Variants in PCDHA12 observed in about 807,000 individuals in gnomAD.
The protein encoded by PCDHA12 is protocadherin alpha-12.
A neutral mutation model predicts 60.0 loss-of-function variants in PCDHA12; 44 were observed. The observed-to-expected ratio is 0.73, with a 90% CI of 0.58 to 0.94. The LOEUF (loss-of-function observed/expected upper bound fraction) is 0.94, where lower values mean the gene tolerates loss of function less well. Ranked by LOEUF, PCDHA12 falls within the 40% of genes least tolerant of loss-of-function variation. The pLI is 0.00. For missense variants in PCDHA12, 1,276 were observed against 1,239.7 expected, an observed-to-expected ratio of 1.03 and a Z score of -0.44; for synonymous variants, 569 against 553.0, an observed-to-expected ratio of 1.03 and a Z score of -0.40.
At chr5:140,885,189 C>T (rs1554182051) in intron 1 of PCDHA12, among the ~76,000 whole-genome samples, 1 of 151,992 alleles carries the variant, frequency 6.6e-6, no homozygotes, top group Non-Finnish European at 1.5e-5. Context: ...CATCAGTGTT[C>T]CCCTCTCATA....
chr5:140,908,442 T>A (rs2073975632), intron 1 of PCDHA12, among the ~76,000 whole-genome samples: 1 of 152,160 alleles, frequency 6.6e-6, no homozygotes, highest in Non-Finnish European at 1.5e-5. Flanking sequence ...CACCCCACTT[T>A]ATGGCTAGAT....
chr5:140,981,755 A>G (rs868964961), intron 2 of PCDHA12, among the ~76,000 whole-genome samples: 12 of 152,222 alleles, frequency 7.9e-5, no homozygotes, highest in Admixed American at 3.3e-4. Context: ...TTAGTATTAG[A>G]CATACATAAA....
At chr5:140,920,889 T>G (rs1488579126) in intron 1 of PCDHA12, among the ~76,000 whole-genome samples, 2 of 150,044 alleles carry the variant, frequency 1.3e-5, no homozygotes, top group African/African-American at 4.9e-5. Context: ...GAACTTAAAG[T>G]CATATTTTGG....
At chr5:140,883,756 G>A (rs1404911116) in intron 1 of PCDHA12, 7 of 1,612,950 alleles carry the variant, frequency 4.3e-6, no homozygotes, top group Non-Finnish European at 5.1e-6. Flanking sequence ...CGCTGGTGGA[G>A]CGGCGGGTGG....
intron 1 of PCDHA12, among the ~76,000 whole-genome samples, chr5:140,895,873 G>A (rs112324080): frequency 0.13 from 19,058 of 152,088 alleles, 1,272 homozygotes; most frequent in Middle Eastern, 0.19. Context: ...GTGCAATGGC[G>A]CGATCTCGGC....
chr5:140,877,137 G>A lies in PCDHA12; in HGVS notation c.1665G>A (p.Val555=). The part of the protein sequence containing the change: ...LGSNVTLQVF[V]LDENDNAPAL... ...GCAACGTGACGCTGCAGGTGTTCGTGCTGGACGAGAACGACAACGCGCCGG... is the reference window on the plus strand; with the variant it reads ...GCAACGTGACGCTGCAGGTGTTCGTACTGGACGAGAACGACAACGCGCCGG... Residue 555 remains valine, a synonymous_variant, in exon 1 of 4, where the codon GTG becomes GTA. Coordinates refer to ENST00000398631, the MANE Select transcript of PCDHA12 (RefSeq NM_018903.4). The A allele has an allele frequency of 6.2e-7, 1 of 1,613,796 alleles. No homozygotes were observed.
At chr5:140,892,552 T>A (rs1041756319) in intron 1 of PCDHA12, among the ~76,000 whole-genome samples, 1 of 152,222 alleles carries the variant, frequency 6.6e-6, no homozygotes, top group East Asian at 1.9e-4. Flanking sequence ...GTTTCTCTAG[T>A]CCTTGGAGAC....
At chr5:140,955,684 G>A (rs1231376434) in intron 1 of PCDHA12, among the ~76,000 whole-genome samples, 2 of 152,156 alleles carry the variant, frequency 1.3e-5, no homozygotes, top group African/African-American at 4.8e-5. Flanking sequence ...TTCGAAATCT[G>A]TGATGAATGT....
intron 1 of PCDHA12, among the ~76,000 whole-genome samples, chr5:140,932,575 G>A (rs1554208974): frequency 6.6e-6 from 1 of 151,674 alleles, no homozygotes; most frequent in South Asian, 2.1e-4. Context: ...TTTCCCATAG[G>A]GTAATTAGAT....
At chr5:140,977,955 C>T (rs1280190913) in intron 1 of PCDHA12, among the ~76,000 whole-genome samples, 1 of 152,170 alleles carries the variant, frequency 6.6e-6, no homozygotes, top group African/African-American at 2.4e-5. Context: ...GACAGGGCCA[C>T]CTCAATCTCC....
At chr5:140,887,612 G>A (rs2061514716) in intron 1 of PCDHA12, among the ~76,000 whole-genome samples, 1 of 151,760 alleles carries the variant, frequency 6.6e-6, no homozygotes, top group East Asian at 1.9e-4. Flanking sequence ...GCTTTAGTAT[G>A]GTTTTCTTTA....
At chr5:140,933,043 TTACAG>T (rs2088815102) in intron 1 of PCDHA12, among the ~76,000 whole-genome samples, 1 of 151,992 alleles carries the variant, frequency 6.6e-6, no homozygotes, top group Admixed American at 6.5e-5. Flanking sequence ...TGAATATGGA[TTACAG>T]TCCAGGATCC....
intron 1 of PCDHA12, among the ~76,000 whole-genome samples, chr5:140,974,165 G>T (rs1298109600): frequency 6.6e-6 from 1 of 152,164 alleles, no homozygotes; most frequent in Non-Finnish European, 1.5e-5. Flanking sequence ...TTTCTTTCAA[G>T]AATTTTAACT....
chr5:140,976,952 C>T lies in PCDHA12; in HGVS notation c.2368-1997C>T, dbSNP rs183824. 1.8e-3 allele frequency among the ~76,000 whole-genome samples: 271 copies of T among 152,298 alleles called. 1 individual carries two copies. Among genetic ancestry groups the T allele is most frequent in the African/African-American group, 6.2e-3 (258 of 41,574 alleles). The stretch of plus-strand genomic sequence containing the variant: ...GTAGCTACTTAAAACATATTATATG[C>T]TTTCTTCCTTTCCTTTTCCCTGCCT... On this transcript the variant is annotated intron_variant, in intron 1 of 3. Coordinates refer to ENST00000398631, the MANE Select transcript of PCDHA12 (RefSeq NM_018903.4).
chr5:140,876,555 G>C lies in PCDHA12; in HGVS notation c.1083G>C (p.Glu361Asp), dbSNP rs782622293. 6.2e-7 allele frequency: 1 copy of C among 1,614,072 alleles called. No individual in the cohort carries two copies. Among genetic ancestry groups the C allele is most frequent in the African/African-American group, 1.3e-5 (1 of 74,934 alleles). Residue 361 changes from glutamate (E) to aspartate (D), a missense_variant, in exon 1 of 4, where the codon GAG becomes GAC. Coordinates refer to ENST00000398631, the MANE Select transcript of PCDHA12 (RefSeq NM_018903.4). ...MVTSLSLPVQ[E>D]DAQVGTVIAL... ...CTTCACTGTCGCTCCCTGTGCAAGAGGATGCTCAGGTGGGTACCGTCATTG... is the reference window on the plus strand; with the variant it reads ...CTTCACTGTCGCTCCCTGTGCAAGACGATGCTCAGGTGGGTACCGTCATTG...
At chr5:140,980,515 A>G (rs779201653) in intron 2 of PCDHA12, among the ~76,000 whole-genome samples, 18 of 152,182 alleles carry the variant, frequency 1.2e-4, no homozygotes, top group Non-Finnish European at 2.5e-4. Flanking sequence ...CTGTAGTTCC[A>G]GCTACTAGGG....
At chr5:140,977,284 G>T (rs1377580391) in intron 1 of PCDHA12, among the ~76,000 whole-genome samples, 1 of 152,210 alleles carries the variant, frequency 6.6e-6, no homozygotes, top group Admixed American at 6.5e-5. Flanking sequence ...TCAAAGGAAG[G>T]TTCTCTCAGC....
intron 1 of PCDHA12, among the ~76,000 whole-genome samples, chr5:140,892,982 A>G (rs1430280813): frequency 2.0e-5 from 3 of 152,238 alleles, no homozygotes; most frequent in Non-Finnish European, 4.4e-5. Context: ...TAGCTGCCGT[A>G]TAAGTGAGAA....
rs57893927 is a variant in PCDHA12 at position 140,946,631 on chromosome 5, T to TATATATAC, written c.2368-32317_2368-32316insTATATACA. Among the ~76,000 whole-genome samples the TATATATAC allele has an allele frequency of 9.9e-4, 130 of 131,716 alleles. 1 individual carries two copies. The highest frequency in any genetic ancestry group is 2.9e-3 in the East Asian group (14 of 4,862). 86.4% of individuals were successfully genotyped at this position (131,716 alleles called of 152,430 possible). A position where few individuals can be genotyped will look rare whatever the true frequency, so the allele number is the denominator to read the frequency against. ...TGTGAAATATATATATATATATATA[T>TATATATAC]ACAATGGAATACTCATCAGCCATTA... On this transcript the variant is annotated intron_variant, in intron 1 of 3. Coordinates refer to ENST00000398631, the MANE Select transcript of PCDHA12 (RefSeq NM_018903.4).
Sources: allele counts gnomAD v4.1 joint callset (sites outside exome capture counted in the v4.1 genomes callset), GRCh38; gene constraint gnomAD v4.1.1; transcripts MANE v1.5; gene names NCBI Gene and HGNC (gene_info 2026-07-23, HGNC 2026-07-21).